Variants in TGFBR3 observed in about 807,000 individuals in gnomAD.
TGFBR3 encodes the protein transforming growth factor beta receptor 3.
In TGFBR3, 46 loss-of-function variants were observed where a neutral mutation model predicts 87.9. That is an observed-to-expected ratio of 0.52 (90% CI 0.41 to 0.67). TGFBR3 has a LOEUF of 0.67. Ranked by LOEUF, TGFBR3 falls within the 30% of genes least tolerant of loss-of-function variation. TGFBR3 has a pLI of 0.00. For synonymous variants in TGFBR3, 381 were observed against 391.6 expected (o/e 0.97, Z 0.32); for missense variants, 866 against 1,041.9 (o/e 0.83, Z 2.32).
At chr1:91,847,491 T>A (rs962822584) in intron 2 of TGFBR3, among the ~76,000 whole-genome samples, 1 of 150,326 alleles carries the variant, frequency 6.7e-6, no homozygotes, top group African/African-American at 2.5e-5. Flanking sequence ...TAATCCCAGC[T>A]ACTCGGGAGG....
intron 1 of TGFBR3, among the ~76,000 whole-genome samples, chr1:91,899,908 C>T (rs113213361): frequency 5.9e-5 from 9 of 152,006 alleles, no homozygotes; most frequent in South Asian, 2.1e-4. Flanking sequence ...TATGATGGTA[C>T]CTGTGAATAA....
chr1:91,841,349 G>C (rs571732448), intron 2 of TGFBR3, among the ~76,000 whole-genome samples: 3 of 152,292 alleles, frequency 2.0e-5, no homozygotes, highest in Admixed American at 1.3e-4. Flanking sequence ...ATGTATCTGA[G>C]GGTAACAACA....
chr1:91,689,464 T>C (rs1671200226), intron 16 of TGFBR3, among the ~76,000 whole-genome samples: 1 of 152,158 alleles, frequency 6.6e-6, no homozygotes, highest in Admixed American at 6.5e-5. Context: ...CGTTGGCATT[T>C]AACAATAGCT....
chr1:91,901,797 C>A (rs1014440627), intron 1 of TGFBR3, among the ~76,000 whole-genome samples: 4 of 151,690 alleles, frequency 2.6e-5, no homozygotes, highest in African/African-American at 9.7e-5. Flanking sequence ...CCTCTAGTCC[C>A]AGCTACTCCA....
chr1:91,734,851 G>A lies in TGFBR3; in HGVS notation c.493C>T (p.Arg165Ter), dbSNP rs1364305059. The A allele has an allele frequency of 1.9e-6, 3 of 1,614,024 alleles. No individual in the cohort carries two copies. The highest frequency in any genetic ancestry group is 2.2e-5 in the East Asian group (1 of 44,890). The change falls in exon 5 of 17, where the codon CGA (arginine) becomes TGA (stop). Residue 165 changes from arginine to a stop codon, truncating the protein, a stop_gained. Coordinates refer to ENST00000212355, the MANE Select transcript of TGFBR3 (RefSeq NM_003243.5). LOFTEE classifies it high-confidence loss of function. ...GAAGTAACTGCTCCATACTCTTTTCGGGCCCAATTTAACAGATGTTCATTT... is the reference window on the plus strand; with the variant it reads ...GAAGTAACTGCTCCATACTCTTTTCAGGCCCAATTTAACAGATGTTCATTT... ...HGNEHLLNWA[R>*]KEYGAVTSFT...
At chr1:91,798,427 C>T (rs1396142778) in intron 2 of TGFBR3, among the ~76,000 whole-genome samples, 1 of 152,202 alleles carries the variant, frequency 6.6e-6, no homozygotes, top group East Asian at 1.9e-4. Flanking sequence ...TCATCCCTCC[C>T]CACTCCACGT....
chr1:91,745,692 G>T (rs1390153878), intron 4 of TGFBR3, among the ~76,000 whole-genome samples: 1 of 152,220 alleles, frequency 6.6e-6, no homozygotes, highest in African/African-American at 2.4e-5. Context: ...GACCCCACTT[G>T]CCTATTTCCT....
intron 14 of TGFBR3, among the ~76,000 whole-genome samples, chr1:91,705,554 C>A (rs1671773507): frequency 2.0e-5 from 3 of 152,144 alleles, no homozygotes; most frequent in Non-Finnish European, 4.4e-5. Context: ...AATGACTATT[C>A]CAATTCACCT....
rs1440394708 is a variant in TGFBR3 at position 91,680,781 on chromosome 1, C to A, written c.*2958G>T. ...AAAAGACTGGCACGCGTGTGAGCAC[C>A]CCACACACACTCACAATCATGCCCA... On this transcript the variant is annotated 3_prime_UTR_variant, in exon 17 of 17. Transcript: ENST00000212355. 1.1e-5 allele frequency: 5 copies of A among 453,830 alleles called. No individual in the cohort carries two copies. Among genetic ancestry groups the A allele is most frequent in the African/African-American group, 8.0e-5 (4 of 49,928 alleles). The allele number at this position is 453,830 out of a possible 1,614,324, so 28.1% of individuals were successfully genotyped here.
At position 91,861,501 on chromosome 1, in the gene TGFBR3, C is replaced by T. The variant is rs781041296; in HGVS notation, c.31G>A (p.Ala11Thr). The change falls in exon 2 of 17, where the codon GCC becomes ACC. Residue 11 changes from alanine to threonine, a missense_variant. Coordinates refer to ENST00000212355, the MANE Select transcript of TGFBR3 (RefSeq NM_003243.5). ...GTGGCTAAACAGGAGCTCATCAGGG[C>T]AAAGATGGCAATCACATAATGGGAA... MTSHYVIAIF[A>T]LMSSCLATAG... 3 of 1,613,872 alleles carry T rather than the reference C, an allele frequency of 1.9e-6. No homozygotes were observed. Among genetic ancestry groups the T allele is most frequent in the Non-Finnish European group, 1.7e-6 (2 of 1,179,806 alleles).
chr1:91,884,257 T>C (rs1266024895), intron 1 of TGFBR3, among the ~76,000 whole-genome samples: 4 of 151,376 alleles, frequency 2.6e-5, no homozygotes, highest in African/African-American at 9.7e-5. Context: ...GAGGTGGAGG[T>C]TGCAGTGAGC....
At chr1:91,838,463 T>TC (rs1167014328) in intron 2 of TGFBR3, among the ~76,000 whole-genome samples, 1 of 149,396 alleles carries the variant, frequency 6.7e-6, no homozygotes, top group African/African-American at 2.5e-5. Flanking sequence ...AATCTCTTTT[T>TC]TTTTTTTTTT....
At chr1:91,841,612 G>A (rs1395362087) in intron 2 of TGFBR3, among the ~76,000 whole-genome samples, 2 of 151,962 alleles carry the variant, frequency 1.3e-5, no homozygotes, top group Non-Finnish European at 2.9e-5. Context: ...GACCAACATG[G>A]TGAAACCCCA....
intron 3 of TGFBR3, among the ~76,000 whole-genome samples, chr1:91,790,817 G>A (rs752050947): frequency 2.0e-4 from 31 of 152,166 alleles, no homozygotes; most frequent in Admixed American, 5.9e-4. Context: ...CTAGTTTAAT[G>A]TTTTTGCTCT....
chr1:91,859,781 C>T (rs1319494344), intron 2 of TGFBR3, among the ~76,000 whole-genome samples: 1 of 151,820 alleles, frequency 6.6e-6, no homozygotes, highest in Non-Finnish European at 1.5e-5. Context: ...TGGTGGCACA[C>T]GCCTGTAGTC....
At chr1:91,750,066 C>T (rs1429526706) in intron 4 of TGFBR3, among the ~76,000 whole-genome samples, 3 of 152,190 alleles carry the variant, frequency 2.0e-5, no homozygotes, top group Non-Finnish European at 2.9e-5. Context: ...TTTATTTGAC[C>T]TCAATTTGTT....
At chr1:91,734,651 C>T (rs1321906594) in intron 5 of TGFBR3, 125 bp downstream of exon 5, 4 of 1,246,246 alleles carry the variant, frequency 3.2e-6, no homozygotes, top group Non-Finnish European at 3.5e-6. Context: ...CAAATGACCC[C>T]TCAGGTCCCT....
intron 4 of TGFBR3, among the ~76,000 whole-genome samples, chr1:91,755,318 G>A (rs1673700013): frequency 6.6e-6 from 1 of 152,156 alleles, no homozygotes; most frequent in Non-Finnish European, 1.5e-5. Flanking sequence ...GAAGGGAAAA[G>A]CCTGCCCAAG....
chr1:91,853,131 C>T (rs1465500789), intron 2 of TGFBR3, among the ~76,000 whole-genome samples: 1 of 151,420 alleles, frequency 6.6e-6, no homozygotes, highest in Non-Finnish European at 1.5e-5. Context: ...TGCACTCCAG[C>T]CCAGGCAACA....
Sources: gnomAD v4.1 joint callset for allele counts (sites outside exome capture counted in the v4.1 genomes callset) on GRCh38, gnomAD v4.1.1 for gene constraint, MANE v1.5 for transcripts, NCBI Gene and HGNC (gene_info 2026-07-23, HGNC 2026-07-21) for gene names.